ZBTB17: variants seen among roughly 807,000 people sequenced by gnomAD.
ZBTB17 encodes zinc finger and BTB domain containing 17, also known as zinc finger and BTB domain-containing protein 17.
Under a neutral mutation model 85.1 loss-of-function variants are expected in ZBTB17, and 24 were observed. That is an observed-to-expected ratio of 0.28 (90% CI 0.20 to 0.40). The LOEUF (loss-of-function observed/expected upper bound fraction) is 0.40. Ranked by LOEUF, ZBTB17 falls within the 10% of genes least tolerant of loss-of-function variation. The pLI is 1.00. For synonymous variants in ZBTB17, 464 were observed against 460.2 expected (o/e 1.01, Z -0.11); for missense variants, 743 against 1,105.1 (o/e 0.67, Z 4.65).
Position 15,947,078 on chromosome 1 carries a change from A to G in ZBTB17, c.251T>C (p.Leu84Pro). The G allele has an allele frequency of 6.2e-7, 1 of 1,614,070 alleles. No individual in the cohort carries two copies. The highest frequency in any genetic ancestry group is 8.5e-7 in the Non-Finnish European group (1 of 1,179,968). The change falls in exon 4 of 16, where the codon CTG becomes CCG. Residue 84 changes from leucine to proline, a missense_variant. Physicochemically the swap from Leu to Pro is moderately conservative, Grantham distance 98. This residue lies in a region of ZBTB17 where 74 missense variants were observed against 142.6 expected (regional missense o/e 0.52). Coordinates refer to ENST00000375743, the MANE Select transcript of ZBTB17 (RefSeq NM_003443.3). ...CACATCATCCACGTTCTCAGGGCTC[A>G]GGCTCAGCTTGGCCGTGTACATAAA... is the stretch of plus-strand genomic sequence containing the variant. Reference protein sequence around the residue: ...LEFMYTAKLSLSPENVDDVLA... With the variant: ...LEFMYTAKLSPSPENVDDVLA...
chr1:15,943,277 T>A, intron 12 of ZBTB17, 83 bp from the exon 13 acceptor site: 2 of 1,605,756 alleles, frequency 1.2e-6, no homozygotes, highest in South Asian at 2.2e-5. Flanking sequence ...AAAGGACCCC[T>A]AGGACCAGAG....
intron 2 of ZBTB17, among the ~76,000 whole-genome samples, chr1:15,963,350 T>C (rs980711627): frequency 6.6e-6 from 1 of 152,080 alleles, no homozygotes; most frequent in Non-Finnish European, 1.5e-5. Context: ...GAGTTAAAAA[T>C]AAAATAAAAT....
intron 2 of ZBTB17, among the ~76,000 whole-genome samples, chr1:15,971,652 G>T (rs529293539): frequency 6.8e-6 from 1 of 146,564 alleles, no homozygotes; most frequent in African/African-American, 2.5e-5. Context: ...AAAACGAAAA[G>T]GTTGGGGAGT....
In ZBTB17 at chr1:15,948,387, C is replaced by A. The variant is rs781712422; in HGVS notation, c.109G>T (p.Ala37Ser). ...CAGGCCGCCAGCACTGCTTTATGAG[C>A]CTTAAAGTGAACACCGTCCACCACA... ...TFVVDGVHFKAHKAVLAACSE... is the reference protein window; with the variant it reads ...TFVVDGVHFKSHKAVLAACSE... Residue 37 changes from alanine to serine, a missense_variant, in exon 3 of 16, where the codon GCT (alanine) becomes TCT (serine). Physicochemically the swap from Ala to Ser is moderately conservative, Grantham distance 99. This residue lies in a region of ZBTB17 where 74 missense variants were observed against 142.6 expected (regional missense o/e 0.52). Transcript: ENST00000375743. The A allele has an allele frequency of 6.2e-7, 1 of 1,614,060 alleles. No homozygotes were observed. The highest frequency in any genetic ancestry group is 8.5e-7 in the Non-Finnish European group (1 of 1,180,054).
chr1:15,949,344 C>T (rs1022112841), intron 2 of ZBTB17, among the ~76,000 whole-genome samples: 4 of 152,352 alleles, frequency 2.6e-5, no homozygotes, highest in South Asian at 2.1e-4. Flanking sequence ...CTCTCCCTCC[C>T]GCCCCAACAC....
At position 15,953,814 on chromosome 1, in the gene ZBTB17, C is replaced by A. The variant is rs1012194977; in HGVS notation, c.-2-5317G>T. 2.0e-5 allele frequency among the ~76,000 whole-genome samples: 3 copies of A among 152,188 alleles called. No homozygotes were observed. Among genetic ancestry groups the A allele is most frequent in the Non-Finnish European group, 2.9e-5 (2 of 68,042 alleles). On this transcript the variant is annotated intron_variant, in intron 2 of 15. Coordinates refer to ENST00000375743, the MANE Select transcript of ZBTB17 (RefSeq NM_003443.3). The surrounding 1 kb of genome is among the most constrained non-coding windows in gnomAD (Gnocchi z 5.1). The stretch of plus-strand genomic sequence containing the variant: ...GCTAATGGTATGACTTCCTTTGTGA[C>A]AGGATTAAATTAAGTAACATAGGTC...
intron 2 of ZBTB17, among the ~76,000 whole-genome samples, chr1:15,968,762 T>C (rs1384518990): frequency 6.6e-6 from 1 of 152,242 alleles, no homozygotes; most frequent in Non-Finnish European, 1.5e-5. Context: ...TGACTGTCCA[T>C]GCACAACCTG....
At chr1:15,946,360 G>A (rs1311677813) in intron 4 of ZBTB17, 66 bp from the exon 5 acceptor site, 2 of 1,573,228 alleles carry the variant, frequency 1.3e-6, no homozygotes, top group African/African-American at 1.3e-5. Flanking sequence ...GGTGTGAGGT[G>A]GCCCAGAACT....
Position 15,953,179 on chromosome 1 carries a change from TA to T in ZBTB17, c.-2-4683del, listed in dbSNP as rs2071924698. The stretch of plus-strand genomic sequence containing the variant: ...AACATTCCAATTATTTAAAAAAATG[TA>T]TTTTTTTTTTTTTGTAGAAGCAGGA... On this transcript the variant is annotated intron_variant, in intron 2 of 15. Coordinates refer to ENST00000375743, the MANE Select transcript of ZBTB17 (RefSeq NM_003443.3). This position sits in a 1 kb window ranked among gnomAD's most constrained non-coding sequence, Gnocchi z 5.1. 6.6e-6 allele frequency among the ~76,000 whole-genome samples: 1 copy of T among 151,066 alleles called. No homozygotes were observed. Among genetic ancestry groups the T allele is most frequent in the African/African-American group, 2.5e-5 (1 of 40,524 alleles).
Position 15,942,828 on chromosome 1 carries a change from C to T in ZBTB17, c.1829-90G>A. 2.7e-6 allele frequency: 4 copies of T among 1,484,230 alleles called. No homozygotes were observed. In the South Asian group the frequency reaches 3.7e-5, roughly 14 times the overall value. The allele number at this position is 1,484,230 out of a possible 1,614,324, so 91.9% of individuals were successfully genotyped here. Reference sequence around the variant, plus strand: ...TCAATGACTCGTTTGCCCAGCAACCCTGTCTTTTACAGCAGGAGGTGCTCT... The same window carrying T: ...TCAATGACTCGTTTGCCCAGCAACCTTGTCTTTTACAGCAGGAGGTGCTCT... On this transcript the variant is annotated intron_variant, in intron 13 of 15. Transcript: ENST00000375743.
intron 2 of ZBTB17, 143 bp from the exon 3 acceptor site, chr1:15,948,640 TTCA>T: frequency 1.2e-6 from 1 of 868,194 alleles, no homozygotes; most frequent in East Asian, 2.7e-5. Flanking sequence ...AAAAGGGCAG[TTCA>T]GTCCAGATAC....
chr1:15,941,903 C>T lies in ZBTB17; in HGVS notation c.*66G>A. ...AATCCAATTTATTCTCTCTAGGGAA[C>T]AGGCCACCCTTCCCGGTTCCAGGGT... On this transcript the variant is annotated 3_prime_UTR_variant, in exon 16 of 16. Transcript: ENST00000375743. 6.5e-7 allele frequency: 1 copy of T among 1,532,770 alleles called. No homozygotes were observed. Among genetic ancestry groups the T allele is most frequent in the Non-Finnish European group, 8.8e-7 (1 of 1,141,020 alleles). The allele number at this position is 1,532,770 out of a possible 1,614,324, so 94.9% of individuals were successfully genotyped here.
chr1:15,946,129 G>A (rs1409366877), intron 5 of ZBTB17, 25 bp downstream of exon 5: 3 of 1,602,464 alleles, frequency 1.9e-6, no homozygotes. Flanking sequence ...AGGACAGCCG[G>A]CTGGGTCCTT....
chr1:15,963,759 G>GTA (rs941766122), intron 2 of ZBTB17, among the ~76,000 whole-genome samples: 1 of 152,032 alleles, frequency 6.6e-6, no homozygotes, highest in African/African-American at 2.4e-5. Flanking sequence ...AATGAAAGTA[G>GTA]TATATATATA....
In ZBTB17 at chr1:15,945,154, T is replaced by C; in HGVS notation, c.710A>G (p.Gln237Arg). Reference sequence around the variant, plus strand: ...TGCGCCCTCCTCCTCTTGCTCCTCTTGCTCCTTTTGCTCCTCTTCCCCTTT... The same window carrying C: ...TGCGCCCTCCTCCTCTTGCTCCTCTCGCTCCTTTTGCTCCTCTTCCCCTTT... The part of the protein sequence containing the change: ...ARKGEEEQKE[Q>R]EEQEEEGAGP... The change falls in exon 7 of 16, where the codon CAA (glutamine) becomes CGA (arginine). Residue 237 changes from glutamine to arginine, a missense_variant. Physicochemically the swap from Gln to Arg is conservative, Grantham distance 43 (BLOSUM62 1). Transcript: ENST00000375743. 6.3e-7 allele frequency: 1 copy of C among 1,576,172 alleles called. No individual in the cohort carries two copies. Among genetic ancestry groups the C allele is most frequent in the Non-Finnish European group, 8.6e-7 (1 of 1,160,218 alleles).
At position 15,941,938 on chromosome 1, in the gene ZBTB17, C is replaced by T. The variant is rs773758392; in HGVS notation, c.*31G>A. 24 of 1,573,096 alleles carry T rather than the reference C, an allele frequency of 1.5e-5. No individual in the cohort carries two copies. In the South Asian group the frequency reaches 1.8e-4, roughly 12 times the overall value. ...TTCCCGGTTCCAGGGTGCCATCCATCCTTAAATAAACAGTCAGAAGGGCCG... is the reference window on the plus strand; with the variant it reads ...TTCCCGGTTCCAGGGTGCCATCCATTCTTAAATAAACAGTCAGAAGGGCCG... On this transcript the variant is annotated 3_prime_UTR_variant, in exon 16 of 16. Coordinates refer to ENST00000375743, the MANE Select transcript of ZBTB17 (RefSeq NM_003443.3).
chr1:15,972,393 A>T (rs576233271), intron 2 of ZBTB17, among the ~76,000 whole-genome samples: 1 of 152,362 alleles, frequency 6.6e-6, no homozygotes, highest in South Asian at 2.1e-4. Flanking sequence ...TAATCCAGAC[A>T]GACTGAGGAC....
At chr1:15,957,285 A>G (rs1226431027) in intron 2 of ZBTB17, among the ~76,000 whole-genome samples, 1 of 152,138 alleles carries the variant, frequency 6.6e-6, no homozygotes, top group Non-Finnish European at 1.5e-5. Context: ...AGGCCACTGT[A>G]TGCCCAGGGA....
At chr1:15,957,287 G>C (rs1406410718) in intron 2 of ZBTB17, among the ~76,000 whole-genome samples, 1 of 152,140 alleles carries the variant, frequency 6.6e-6, no homozygotes, top group African/African-American at 2.4e-5. Context: ...GCCACTGTAT[G>C]CCCAGGGACC....
Sources: allele counts gnomAD v4.1 joint callset (sites outside exome capture counted in the v4.1 genomes callset), GRCh38; gene constraint gnomAD v4.1.1; regional missense constraint gnomAD v4.1.1; non-coding constraint Gnocchi (gnomAD v3.1); transcripts MANE v1.5; gene names NCBI Gene and HGNC (gene_info 2026-07-23, HGNC 2026-07-21).